The following ADCYAP1R1 variants were observed in gnomAD, a reference collection of about 807,000 sequenced individuals.
ADCYAP1R1 encodes the protein ADCYAP receptor type I.
Under a neutral mutation model 67.6 loss-of-function variants are expected in ADCYAP1R1, and 44 were observed. The ratio of observed to expected loss-of-function variants is 0.65; its 90% CI spans 0.51 to 0.84. The LOEUF (loss-of-function observed/expected upper bound fraction) is 0.84. ADCYAP1R1 is among the 40% of genes least tolerant of loss of function. The pLI, the probability that ADCYAP1R1 is intolerant of heterozygous loss-of-function variation, is 0.00. For missense variants in ADCYAP1R1, 477 were observed against 587.9 expected, an observed-to-expected ratio of 0.81 and a Z score of 1.95; for synonymous variants, 222 against 219.6, an observed-to-expected ratio of 1.01 and a Z score of -0.10.
chr7:31,054,021 T>C (rs1584464887), intron 1 of ADCYAP1R1, among the ~76,000 whole-genome samples: 1 of 152,182 alleles, frequency 6.6e-6, no homozygotes, highest in East Asian at 1.9e-4. Context: ...TGGGTACAAG[T>C]AGCACTGGTG....
At chr7:31,077,001 C>T (rs569466508) in intron 3 of ADCYAP1R1, among the ~76,000 whole-genome samples, 72 of 152,266 alleles carry the variant, frequency 4.7e-4, no homozygotes, top group African/African-American at 1.6e-3. Context: ...TGTGGGGCTG[C>T]GGGTCTTCGG....
chr7:31,104,910 G>A lies in ADCYAP1R1; in HGVS notation c.1218+1G>A. Reference sequence around the variant, plus strand: ...TCTCTACTGTTTTCTGAATGGTGAGGTAAGACCTTGGCCCTCTGGCTTCTT... The same window carrying A: ...TCTCTACTGTTTTCTGAATGGTGAGATAAGACCTTGGCCCTCTGGCTTCTT... On this transcript the variant is annotated splice_donor_variant, in intron 15 of 15. Transcript: ENST00000304166. LOFTEE classifies it high-confidence loss of function. 1 of 1,614,182 alleles carries A rather than the reference G, an allele frequency of 6.2e-7. No individual in the cohort carries two copies. The highest frequency in any genetic ancestry group is 2.2e-5 in the East Asian group (1 of 44,880).
intron 6 of ADCYAP1R1, 92 bp downstream of exon 6, chr7:31,081,846 T>G (rs1795527056): frequency 2.0e-6 from 2 of 1,010,594 alleles, no homozygotes; most frequent in South Asian, 3.7e-5. Context: ...CAGGCTGGGC[T>G]CTGCTCCTCT....
intron 13 of ADCYAP1R1, 109 bp downstream of exon 13, chr7:31,092,844 T>C: frequency 1.3e-6 from 1 of 744,630 alleles, no homozygotes; most frequent in East Asian, 2.6e-5. Flanking sequence ...TGACCTAGCA[T>C]CAGCATTTGC....
At chr7:31,070,619 G>A (rs11983382) in intron 3 of ADCYAP1R1, among the ~76,000 whole-genome samples, 1,628 of 152,332 alleles carry the variant, frequency 0.011, 30 homozygotes, top group African/African-American at 0.037. Context: ...AGACTCAAAA[G>A]GCATCAAGCC....
intron 13 of ADCYAP1R1, among the ~76,000 whole-genome samples, chr7:31,097,704 C>T (rs752480193): frequency 3.9e-5 from 6 of 152,088 alleles, no homozygotes; most frequent in African/African-American, 1.4e-4. Flanking sequence ...ATCTAGGGTC[C>T]GGGAGGGACA....
At chr7:31,068,534 A>G (rs1287171675) in intron 3 of ADCYAP1R1, among the ~76,000 whole-genome samples, 5 of 152,212 alleles carry the variant, frequency 3.3e-5, no homozygotes, top group Non-Finnish European at 7.3e-5. Context: ...GAGGCTGGAA[A>G]GAGGCCTTGG....
intron 4 of ADCYAP1R1, among the ~76,000 whole-genome samples, chr7:31,079,933 G>A (rs61203507): frequency 0.055 from 8,441 of 152,240 alleles, 326 homozygotes; most frequent in East Asian, 0.11. Flanking sequence ...CAGCCAGTGA[G>A]TGATTCAGCC....
chr7:31,079,346 G>C (rs543723372), intron 4 of ADCYAP1R1, among the ~76,000 whole-genome samples: 1 of 152,356 alleles, frequency 6.6e-6, no homozygotes, highest in East Asian at 1.9e-4. Context: ...CTCCAGCCAG[G>C]TGACTTACTG....
intron 13 of ADCYAP1R1, 131 bp downstream of exon 13, chr7:31,092,866 T>G: frequency 1.5e-6 from 1 of 655,630 alleles, no homozygotes; most frequent in South Asian, 2.0e-5. Flanking sequence ...GATCTTCTTC[T>G]GATTAAAGAG....
chr7:31,107,031 C>T lies in ADCYAP1R1; in HGVS notation c.*347C>T. 3.9e-6 allele frequency: 1 copy of T among 254,768 alleles called. No homozygotes were observed. The highest frequency in any genetic ancestry group is 7.4e-6 in the Non-Finnish European group (1 of 135,398). The allele number at this position is 254,768 out of a possible 1,614,324, so 15.8% of individuals were successfully genotyped here. A position where few individuals can be genotyped will look rare whatever the true frequency, so the allele number is the denominator to read the frequency against. On this transcript the variant is annotated 3_prime_UTR_variant, in exon 16 of 16. Coordinates refer to ENST00000304166, the MANE Select transcript of ADCYAP1R1 (RefSeq NM_001118.5). ...GTTTCTTGGTCAGCCTCAGTGATGG[C>T]CTGACCCCAGCTGTGAGGCCTTGTG...
chr7:31,077,737 G>A (rs994725499), intron 3 of ADCYAP1R1, among the ~76,000 whole-genome samples: 2 of 149,166 alleles, frequency 1.3e-5, no homozygotes, highest in African/African-American at 4.9e-5. Flanking sequence ...GTGTATGTGT[G>A]ATGTATGTTG....
intron 15 of ADCYAP1R1, among the ~76,000 whole-genome samples, chr7:31,105,490 G>C (rs1346499780): frequency 6.6e-6 from 1 of 152,248 alleles, no homozygotes; most frequent in Non-Finnish European, 1.5e-5. Context: ...GGCTCCCTCT[G>C]TACCCTATTG....
intron 1 of ADCYAP1R1, among the ~76,000 whole-genome samples, chr7:31,054,176 T>C (rs741051): frequency 0.53 from 79,841 of 151,960 alleles, 22,815 homozygotes; most frequent in African/African-American, 0.75. Flanking sequence ...CTCTTCCAAC[T>C]GATCCATCAA....
chr7:31,087,733 A>C, intron 12 of ADCYAP1R1, 37 bp downstream of exon 12: 1 of 1,588,166 alleles, frequency 6.3e-7, no homozygotes, highest in African/African-American at 1.3e-5. Context: ...GGGAAGAGAC[A>C]GGGTCTTGGG....
At chr7:31,065,630 C>G (rs1034228742) in intron 3 of ADCYAP1R1, among the ~76,000 whole-genome samples, 8 of 152,216 alleles carry the variant, frequency 5.3e-5, no homozygotes, top group African/African-American at 1.9e-4. Flanking sequence ...CATCGAACCC[C>G]TCTCCTAACT....
chr7:31,066,980 G>T (rs369393953), intron 3 of ADCYAP1R1, among the ~76,000 whole-genome samples: 1 of 152,194 alleles, frequency 6.6e-6, no homozygotes, highest in African/African-American at 2.4e-5. Flanking sequence ...AGCAGATATT[G>T]TGTATTTCAT....
intron 12 of ADCYAP1R1, among the ~76,000 whole-genome samples, chr7:31,089,382 C>T (rs945101311): frequency 1.4e-5 from 2 of 147,522 alleles, no homozygotes; most frequent in South Asian, 2.2e-4. Context: ...GGCAGTTACC[C>T]TTCATTGAAT....
At chr7:31,060,453 ATGTGTCTGTGAAGGAGTGTG>A (rs996721476) in intron 1 of ADCYAP1R1, among the ~76,000 whole-genome samples, 38 of 151,738 alleles carry the variant, frequency 2.5e-4, no homozygotes, top group African/African-American at 8.2e-4. Context: ...GTGGTCCTCT[ATGTGTCTGTGAAGGAGTGTG>A]TGTGTCTGTG....
Sources: gnomAD v4.1 joint callset for allele counts (sites outside exome capture counted in the v4.1 genomes callset) on GRCh38, gnomAD v4.1.1 for gene constraint, MANE v1.5 for transcripts, NCBI Gene and HGNC (gene_info 2026-07-23, HGNC 2026-07-21) for gene names.